Variants in UNC13C observed in about 807,000 individuals in gnomAD.
UNC13C encodes the protein protein unc-13 homolog C.
Under a neutral mutation model 245.4 loss-of-function variants are expected in UNC13C, and 174 were observed. That is an observed-to-expected ratio of 0.71 (90% confidence interval 0.63 to 0.80). The LOEUF is 0.80. Ranked by LOEUF, UNC13C falls within the 30% of genes least tolerant of loss-of-function variation. UNC13C has a pLI of 0.00. For missense variants in UNC13C, 2,829 were observed against 2,602.9 expected (o/e 1.09, Z -1.89); for synonymous variants, 992 against 895.1 (o/e 1.11, Z -1.93).
intron 19 of UNC13C, among the ~76,000 whole-genome samples, chr15:54,424,858 G>A (rs2040726541): frequency 6.6e-6 from 1 of 151,750 alleles, no homozygotes; most frequent in East Asian, 1.9e-4. Flanking sequence ...ATGTTTCGTG[G>A]GTAAATTAGT....
At chr15:54,467,128 A>G (rs1892215686) in intron 19 of UNC13C, among the ~76,000 whole-genome samples, 1 of 151,880 alleles carries the variant, frequency 6.6e-6, no homozygotes, top group African/African-American at 2.4e-5. Context: ...TATATTTTAA[A>G]CAAGGACTGG....
chr15:54,248,015 G>A (rs896369862), intron 7 of UNC13C, among the ~76,000 whole-genome samples: 8 of 152,042 alleles, frequency 5.3e-5, no homozygotes, highest in African/African-American at 2.4e-5. Context: ...TGGACATAGG[G>A]AATTAGATCA....
chr15:54,216,728 G>C (rs990426690), intron 4 of UNC13C, among the ~76,000 whole-genome samples: 1 of 151,948 alleles, frequency 6.6e-6, no homozygotes, highest in Non-Finnish European at 1.5e-5. Flanking sequence ...CGAGATGAAA[G>C]ACATTAATAT....
intron 19 of UNC13C, among the ~76,000 whole-genome samples, chr15:54,451,740 A>C (rs1596398664): frequency 6.6e-6 from 1 of 151,396 alleles, no homozygotes; most frequent in South Asian, 2.1e-4. Flanking sequence ...ATTACTTTTA[A>C]TTTTTCTGGT....
Position 54,265,493 on chromosome 15 carries a change from A to T in UNC13C, c.3815A>T (p.Tyr1272Phe). The change falls in exon 10 of 33, where the codon TAT (tyrosine) becomes TTT (phenylalanine). Residue 1272 changes from tyrosine (Y) to phenylalanine (F), a missense_variant. Coordinates refer to ENST00000260323, the MANE Select transcript of UNC13C (RefSeq NM_001080534.3). ...NLNPVWDEKFYFECHNSTDRI... is the reference protein window; with the variant it reads ...NLNPVWDEKFFFECHNSTDRI... ...AATCCAGTATGGGATGAGAAGTTTT[A>T]TTTGTGAGTATATAATGTGAAACCT... 1 of 1,536,368 alleles carries T rather than the reference A, an allele frequency of 6.5e-7. No homozygotes were observed. Among genetic ancestry groups the T allele is most frequent in the Non-Finnish European group, 8.8e-7 (1 of 1,137,188 alleles).
chr15:54,336,807 ACT>A (rs375868862), intron 16 of UNC13C, among the ~76,000 whole-genome samples: 62 of 152,090 alleles, frequency 4.1e-4, no homozygotes, highest in Non-Finnish European at 7.4e-4. Flanking sequence ...CTATTTCTGA[ACT>A]CTCTATACTG....
chr15:54,628,377 T>C lies in UNC13C; in HGVS notation c.*1264T>C, dbSNP rs1326837547. The C allele has an allele frequency of 6.6e-6, 1 of 151,924 alleles. No homozygotes were observed. Among genetic ancestry groups the C allele is most frequent in the Non-Finnish European group, 1.5e-5 (1 of 67,860 alleles). 9.4% of individuals were successfully genotyped at this position (151,924 alleles called of 1,614,324 possible). A position where few individuals can be genotyped will look rare whatever the true frequency, so the allele number is the denominator to read the frequency against. ...CAGAAGCAGAAACAAGAGCCTGTTA[T>C]GATTGTGCTTTGTGAACAAGCTGAT... On this transcript the variant is annotated 3_prime_UTR_variant, in exon 33 of 33. Transcript: ENST00000260323.
At chr15:54,519,074 A>G (rs1379554584) in intron 24 of UNC13C, among the ~76,000 whole-genome samples, 1 of 152,186 alleles carries the variant, frequency 6.6e-6, no homozygotes, top group Admixed American at 6.6e-5. Flanking sequence ...CCAAAAGCAT[A>G]ACACATTATC....
chr15:54,400,896 T>C (rs1251143639), intron 18 of UNC13C, among the ~76,000 whole-genome samples: 2 of 152,096 alleles, frequency 1.3e-5, no homozygotes, highest in African/African-American at 4.8e-5. Flanking sequence ...GTTAAGAAAA[T>C]GTGGCACATA....
At chr15:53,928,490 C>T in the UNC13C span, among the ~76,000 whole-genome samples, 6 of 152,134 alleles carry the variant, frequency 3.9e-5, no homozygotes, top group African/African-American at 4.8e-5. Flanking sequence ...ATTATGAACA[C>T]GTTACAGTAC....
rs568386551 is a variant in UNC13C at position 54,199,629 on chromosome 15, A to T, written c.3072-35401A>T. Among the ~76,000 whole-genome samples the T allele has an allele frequency of 2.0e-5, 3 of 152,290 alleles. No individual in the cohort carries two copies. In the South Asian group the frequency reaches 6.2e-4, roughly 32 times the overall value. ...GAAAGAAAGATACAGTCTCTTCCAGACAAACAAATGCTGACAGAATTTGCC... is the reference window on the plus strand; with the variant it reads ...GAAAGAAAGATACAGTCTCTTCCAGTCAAACAAATGCTGACAGAATTTGCC... On this transcript the variant is annotated intron_variant, in intron 4 of 32. Transcript: ENST00000260323.
At chr15:54,333,658 G>A (rs1391237834) in intron 15 of UNC13C, 109 bp from the exon 16 acceptor site, 1 of 651,200 alleles carries the variant, frequency 1.5e-6, no homozygotes, top group Admixed American at 2.8e-5. Flanking sequence ...TTTTAAAATT[G>A]TATACAGTTT....
chr15:54,245,080 C>A (rs991383818), intron 7 of UNC13C, among the ~76,000 whole-genome samples: 4 of 152,104 alleles, frequency 2.6e-5, no homozygotes, highest in African/African-American at 9.7e-5. Flanking sequence ...CCACCCCAAG[C>A]AGTAAATCTT....
chr15:54,418,585 G>A (rs1421317659), intron 19 of UNC13C, among the ~76,000 whole-genome samples: 2 of 151,978 alleles, frequency 1.3e-5, no homozygotes, highest in Non-Finnish European at 2.9e-5. Flanking sequence ...AAGCATTTGG[G>A]GCATCCTGGT....
At chr15:54,008,782 C>T (rs114686684) in intron 1 of UNC13C, among the ~76,000 whole-genome samples, 1,526 of 152,268 alleles carry the variant, frequency 0.01, 24 homozygotes, top group African/African-American at 0.035. Context: ...CCACTGGTAA[C>T]ATTCACTTTA....
intron 30 of UNC13C, among the ~76,000 whole-genome samples, chr15:54,587,805 C>T (rs148795062): frequency 0.013 from 2,020 of 152,286 alleles, 17 homozygotes; most frequent in Middle Eastern, 0.024. Context: ...TTACTTTATT[C>T]AGTCAAATAA....
the UNC13C span, among the ~76,000 whole-genome samples, chr15:53,909,479 C>T: frequency 0.061 from 8,914 of 146,382 alleles, 1,252 homozygotes; most frequent in African/African-American, 0.21. Flanking sequence ...AGTGGCCGGG[C>T]GTGGTGGCTC....
intron 4 of UNC13C, among the ~76,000 whole-genome samples, chr15:54,174,355 C>T (rs2115829): frequency 0.76 from 115,939 of 152,086 alleles, 44,502 homozygotes; most frequent in Non-Finnish European, 0.78. Context: ...TTCAGGAATA[C>T]GGGTTTTCTT....
downstream of UNC13C, chr15:54,629,516 G>A (rs1420290115): frequency 1.3e-5 from 2 of 152,056 alleles, no homozygotes; most frequent in Admixed American, 6.6e-5. Context: ...TTGTAATGAC[G>A]AGGAAAATAA....
Sources: gnomAD v4.1 joint callset for allele counts (sites outside exome capture counted in the v4.1 genomes callset) on GRCh38, gnomAD v4.1.1 for gene constraint, MANE v1.5 for transcripts, NCBI Gene and HGNC (gene_info 2026-07-23, HGNC 2026-07-21) for gene names.